CTNNA3: variants seen among roughly 807,000 people sequenced by gnomAD.
CTNNA3 encodes catenin alpha-3.
CTNNA3 carries 76 observed loss-of-function variants against 95.7 expected under a neutral mutation model. The observed-to-expected ratio is 0.79, with a 90% CI of 0.66 to 0.96. CTNNA3 has a LOEUF of 0.96. Ranked by LOEUF, CTNNA3 falls within the 40% of genes least tolerant of loss-of-function variation. CTNNA3 has a pLI of 0.00. For missense variants in CTNNA3, 1,191 were observed against 1,089.8 expected (o/e 1.09, Z -1.31); for synonymous variants, 431 against 374.4 (o/e 1.15, Z -1.74).
chr10:66,474,113 T>C (rs1839235721), intron 11 of CTNNA3, among the ~76,000 whole-genome samples: 1 of 152,056 alleles, frequency 6.6e-6, no homozygotes, highest in African/African-American at 2.4e-5. Flanking sequence ...AAATGTGCAA[T>C]ACAATATAGT....
intron 5 of CTNNA3, among the ~76,000 whole-genome samples, chr10:67,283,367 T>C (rs1839471414): frequency 6.6e-6 from 1 of 152,162 alleles, no homozygotes; most frequent in African/African-American, 2.4e-5. Flanking sequence ...AGGAGTTGGG[T>C]GAGTGGGCTC....
At chr10:65,944,223 C>T (rs1490661725) in intron 17 of CTNNA3, among the ~76,000 whole-genome samples, 2 of 152,212 alleles carry the variant, frequency 1.3e-5, no homozygotes, top group Non-Finnish European at 2.9e-5. Flanking sequence ...AATATTTGCA[C>T]AGATCCCTCA....
At chr10:67,728,057 T>G (rs867167351) in intron 1 of CTNNA3, among the ~76,000 whole-genome samples, 1 of 141,948 alleles carries the variant, frequency 7.0e-6, no homozygotes. Flanking sequence ...TATATATAAT[T>G]ATATGTATAT....
intron 3 of CTNNA3, among the ~76,000 whole-genome samples, chr10:67,599,577 A>C (rs1843019240): frequency 1.3e-5 from 2 of 152,206 alleles, no homozygotes; most frequent in African/African-American, 4.8e-5. Context: ...TAAAGTAAAA[A>C]AAAAGTTCAC....
intron 14 of CTNNA3, among the ~76,000 whole-genome samples, chr10:66,097,786 C>G (rs2081455470): frequency 6.6e-6 from 1 of 152,140 alleles, no homozygotes; most frequent in East Asian, 1.9e-4. Context: ...TCCTAAGTCT[C>G]TACTACGACT....
chr10:66,532,741 A>C (rs924795419), intron 10 of CTNNA3, among the ~76,000 whole-genome samples: 2 of 152,178 alleles, frequency 1.3e-5, no homozygotes, highest in African/African-American at 4.8e-5. Context: ...GACAACACGT[A>C]TATGAAATCT....
chr10:66,351,119 A>G (rs10762065), intron 12 of CTNNA3, among the ~76,000 whole-genome samples: 89,620 of 151,798 alleles, frequency 0.59, 28,798 homozygotes, highest in Non-Finnish European at 0.72. Flanking sequence ...CCCATTTATG[A>G]CAGAATTCAG....
intron 12 of CTNNA3, among the ~76,000 whole-genome samples, chr10:66,350,535 C>T (rs867674660): frequency 2.5e-4 from 38 of 149,422 alleles, no homozygotes; most frequent in African/African-American, 9.1e-4. Context: ...CAAAACGTAG[C>T]TCCAGAAAAA....
chr10:67,675,323 A>G (rs1307772719), intron 1 of CTNNA3, among the ~76,000 whole-genome samples: 1 of 152,120 alleles, frequency 6.6e-6, no homozygotes, highest in Non-Finnish European at 1.5e-5. Flanking sequence ...GCCTAAGAAA[A>G]CATTTATTAT....
At chr10:66,652,867 T>A (rs1845957249) in intron 9 of CTNNA3, among the ~76,000 whole-genome samples, 1 of 152,046 alleles carries the variant, frequency 6.6e-6, no homozygotes, top group African/African-American at 2.4e-5. Context: ...TACACCACAT[T>A]AACAGAATAA....
intron 12 of CTNNA3, among the ~76,000 whole-genome samples, chr10:66,310,655 C>T (rs1262125654): frequency 6.6e-6 from 1 of 150,790 alleles, no homozygotes; most frequent in East Asian, 1.9e-4. Context: ...GGCCATATTC[C>T]AGTTGAGCAA....
chr10:66,869,321 G>T (rs1436874904), intron 7 of CTNNA3, among the ~76,000 whole-genome samples: 3 of 152,208 alleles, frequency 2.0e-5, no homozygotes, highest in Admixed American at 6.5e-5. Context: ...GCTGGGTGTG[G>T]TGGTCACACC....
At chr10:66,270,403 A>C (rs2091254839) in intron 13 of CTNNA3, among the ~76,000 whole-genome samples, 1 of 151,956 alleles carries the variant, frequency 6.6e-6, no homozygotes, top group African/African-American at 2.4e-5. Flanking sequence ...CGGGGGTTTC[A>C]CCATGTTGCC....
chr10:67,143,352 G>A (rs1860682436), intron 7 of CTNNA3, among the ~76,000 whole-genome samples: 2 of 146,856 alleles, frequency 1.4e-5, no homozygotes, highest in Non-Finnish European at 3.0e-5. Context: ...AACCCAGAAG[G>A]TGGAGGTTGT....
chr10:66,702,732 AAGTAGT>A (rs3055636), intron 9 of CTNNA3, among the ~76,000 whole-genome samples: 24 of 134,336 alleles, frequency 1.8e-4, no homozygotes, highest in African/African-American at 4.6e-4. Context: ...AAAAAAGAAT[AAGTAGT>A]AGTAGTAGTA....
rs1470879383 is a variant in CTNNA3, at chr10:66,307,074, T to A, written c.1733-26453A>T. ...CCTCACAAGAGCCCTCTGAATTAGA[T>A]ACTGTTAATATTCCCAGTTTATAGA... On this transcript the variant is annotated intron_variant, in intron 12 of 17. Coordinates refer to ENST00000433211, the MANE Select transcript of CTNNA3 (RefSeq NM_013266.4). 3.3e-5 allele frequency among the ~76,000 whole-genome samples: 5 copies of A among 152,316 alleles called. No homozygotes were observed. In the South Asian group the frequency reaches 1.0e-3, roughly 32 times the overall value.
intron 14 of CTNNA3, among the ~76,000 whole-genome samples, chr10:66,099,254 C>A (rs971038943): frequency 6.6e-6 from 1 of 152,190 alleles, no homozygotes; most frequent in African/African-American, 2.4e-5. Flanking sequence ...TTAAAGACTT[C>A]TCAACAGAAT....
At chr10:65,995,545 CA>C (rs1312706143) in intron 15 of CTNNA3, among the ~76,000 whole-genome samples, 1 of 152,202 alleles carries the variant, frequency 6.6e-6, no homozygotes, top group African/African-American at 2.4e-5. Flanking sequence ...GTGGGCCAAG[CA>C]TGCCTGTCTT....
intron 1 of CTNNA3, among the ~76,000 whole-genome samples, chr10:67,720,782 T>C (rs9415884): frequency 0.99 from 151,426 of 152,222 alleles, 75,317 homozygotes; most frequent in East Asian, 1. Flanking sequence ...GGTGAAACCC[T>C]GTCTCTACTA....
Sources: gnomAD v4.1 joint callset for allele counts (sites outside exome capture counted in the v4.1 genomes callset) on GRCh38, gnomAD v4.1.1 for gene constraint, MANE v1.5 for transcripts, NCBI Gene and HGNC (gene_info 2026-07-23, HGNC 2026-07-21) for gene names.